DLEU7: variants seen among roughly 807,000 people sequenced by gnomAD.
The protein encoded by DLEU7 is leukemia-associated protein 7.
In DLEU7, 17 loss-of-function variants were observed where a neutral mutation model predicts 16.0. The observed-to-expected ratio is 1.06, with a 90% CI of 0.73 to 1.59. The LOEUF (loss-of-function observed/expected upper bound fraction) is 1.59. DLEU7 is among the 40% of genes most tolerant of loss of function. The pLI is 0.00. For synonymous variants in DLEU7, 113 were observed against 139.8 expected (o/e 0.81, Z 1.35); for missense variants, 308 against 314.9 (o/e 0.98, Z 0.17).
In DLEU7 at chr13:50,771,679, T is replaced by C. The variant is rs1405631400; in HGVS notation, c.460-58439A>G. Among the ~76,000 whole-genome samples the C allele has an allele frequency of 6.6e-5, 10 of 152,204 alleles. No homozygotes were observed. In the East Asian group the frequency reaches 1.9e-3, roughly 29 times the overall value. On this transcript the variant is annotated intron_variant, in intron 1 of 1. Coordinates refer to the DLEU7 transcript ENST00000400393. Reference sequence around the variant, plus strand: ...TACATTTGCTGAGGAGAACTTTACTTCCAACTCTGTGGTCAATTTTGGAAT... The same window carrying C: ...TACATTTGCTGAGGAGAACTTTACTCCCAACTCTGTGGTCAATTTTGGAAT...
intron 1 of DLEU7, among the ~76,000 whole-genome samples, chr13:50,773,378 G>T (rs878898988): frequency 6.6e-6 from 1 of 152,150 alleles, no homozygotes; most frequent in Non-Finnish European, 1.5e-5. Context: ...CAGCTTTTCT[G>T]CTCTGGTTTC....
At chr13:50,804,521 G>A (rs548428783) in intron 1 of DLEU7, among the ~76,000 whole-genome samples, 1 of 151,732 alleles carries the variant, frequency 6.6e-6, no homozygotes, top group East Asian at 1.9e-4. Flanking sequence ...TCAGCTCACT[G>A]CAATCTCTGC....
chr13:50,732,778 TAAC>T (rs1299797834), intron 1 of DLEU7, among the ~76,000 whole-genome samples: 1 of 152,120 alleles, frequency 6.6e-6, no homozygotes, highest in African/African-American at 2.4e-5. Flanking sequence ...ATAGCAGTAG[TAAC>T]AACAACTAAC....
At chr13:50,716,459 A>G (rs963150360) in intron 1 of DLEU7, among the ~76,000 whole-genome samples, 1 of 152,264 alleles carries the variant, frequency 6.6e-6, no homozygotes, top group African/African-American at 2.4e-5. Context: ...CAGAAAGAGT[A>G]CTTTGACTGA....
At chr13:50,762,460 C>T (rs17074897) in intron 1 of DLEU7, among the ~76,000 whole-genome samples, 5,042 of 152,168 alleles carry the variant, frequency 0.033, 175 homozygotes, top group African/African-American at 0.09. Flanking sequence ...AGGGTAAAGC[C>T]CAGGTCGGAA....
chr13:50,833,249 A>T (rs1056198879), intron 1 of DLEU7, among the ~76,000 whole-genome samples: 1 of 152,220 alleles, frequency 6.6e-6, no homozygotes, highest in African/African-American at 2.4e-5. Flanking sequence ...GAAGAGAGGA[A>T]GTCAAATTGC....
chr13:50,832,343 A>T (rs1877302438), intron 1 of DLEU7, among the ~76,000 whole-genome samples: 1 of 152,028 alleles, frequency 6.6e-6, no homozygotes, highest in East Asian at 1.9e-4. Context: ...CCCCTTTATC[A>T]TTTTTATTGT....
At chr13:50,841,532 A>C (rs1470899777) in intron 1 of DLEU7, among the ~76,000 whole-genome samples, 2 of 152,032 alleles carry the variant, frequency 1.3e-5, no homozygotes, top group Non-Finnish European at 2.9e-5. Context: ...TTCATATTTC[A>C]TCTATTTTAA....
intron 1 of DLEU7, among the ~76,000 whole-genome samples, chr13:50,729,818 G>A (rs1176372109): frequency 1.3e-5 from 2 of 151,990 alleles, no homozygotes; most frequent in East Asian, 1.9e-4. Flanking sequence ...TATGCTTGTT[G>A]GCCACGCATA....
chr13:50,783,924 G>A (rs1875728238), intron 1 of DLEU7, among the ~76,000 whole-genome samples: 1 of 152,172 alleles, frequency 6.6e-6, no homozygotes, highest in Admixed American at 6.5e-5. Context: ...GGCCTGTGCT[G>A]TGACTGCTCT....
chr13:50,774,079 C>T (rs182041691), intron 1 of DLEU7, among the ~76,000 whole-genome samples: 16 of 152,270 alleles, frequency 1.1e-4, no homozygotes, highest in East Asian at 7.7e-4. Flanking sequence ...GAGCCAGGCG[C>T]GGGGTGTAAT....
At chr13:50,813,549 T>C (rs1876632261) in intron 1 of DLEU7, among the ~76,000 whole-genome samples, 1 of 152,128 alleles carries the variant, frequency 6.6e-6, no homozygotes, top group African/African-American at 2.4e-5. Context: ...AAAAGCATTA[T>C]TATCTACTTT....
intron 1 of DLEU7, among the ~76,000 whole-genome samples, chr13:50,793,607 A>G (rs1876029715): frequency 6.6e-6 from 1 of 152,202 alleles, no homozygotes; most frequent in South Asian, 2.1e-4. Context: ...ATTAGTGATG[A>G]TGACCATTTT....
intron 1 of DLEU7, among the ~76,000 whole-genome samples, chr13:50,793,153 A>G (rs777170929): frequency 1.3e-5 from 2 of 152,012 alleles, no homozygotes; most frequent in Non-Finnish European, 2.9e-5. Context: ...TTCCACATTA[A>G]TTCATTTAGG....
At chr13:50,769,424 T>A (rs1265015929) in intron 1 of DLEU7, among the ~76,000 whole-genome samples, 1 of 152,228 alleles carries the variant, frequency 6.6e-6, no homozygotes, top group African/African-American at 2.4e-5. Context: ...GTTTTAGGTC[T>A]AACACTTAAG....
At chr13:50,711,417 G>T (rs1873281446), downstream of DLEU7, 1 of 152,146 alleles carries the variant, frequency 6.6e-6, no homozygotes, top group African/African-American at 2.4e-5. Context: ...CACATTTTCA[G>T]ATCTACAAAG....
At chr13:50,832,694 T>C (rs1877319538) in intron 1 of DLEU7, among the ~76,000 whole-genome samples, 1 of 152,256 alleles carries the variant, frequency 6.6e-6, no homozygotes, top group South Asian at 2.1e-4. Flanking sequence ...TTGTTCTCAT[T>C]GGTTTCAAAG....
At chr13:50,716,511 A>G (rs1218499939) in intron 1 of DLEU7, among the ~76,000 whole-genome samples, 1 of 152,214 alleles carries the variant, frequency 6.6e-6, no homozygotes, top group East Asian at 1.9e-4. Flanking sequence ...TCCTTGGGCT[A>G]CCTTTTCCGT....
chr13:50,782,507 C>G (rs1875683047), intron 1 of DLEU7, among the ~76,000 whole-genome samples: 1 of 152,132 alleles, frequency 6.6e-6, no homozygotes, highest in South Asian at 2.1e-4. Context: ...ATTGCGACCT[C>G]TTCATTTGAT....
Sources: gnomAD v4.1 joint callset for allele counts (sites outside exome capture counted in the v4.1 genomes callset) on GRCh38, gnomAD v4.1.1 for gene constraint, MANE v1.5 for transcripts, NCBI Gene and HGNC (gene_info 2026-07-23, HGNC 2026-07-21) for gene names.